Variants in PPP1R1C observed in about 807,000 individuals in gnomAD.
PPP1R1C encodes protein phosphatase 1 regulatory subunit 1C.
In PPP1R1C, 15 loss-of-function variants were observed where a neutral mutation model predicts 17.4. That is an observed-to-expected ratio of 0.86 (90% CI 0.58 to 1.33). PPP1R1C has a LOEUF of 1.33. PPP1R1C is among the 40% of genes most tolerant of loss of function. The pLI is 0.00. For synonymous variants in PPP1R1C, 35 were observed against 43.1 expected (o/e 0.81, Z 0.73); for missense variants, 143 against 130.0 (o/e 1.10, Z -0.48).
intron 2 of PPP1R1C, among the ~76,000 whole-genome samples, chr2:182,050,369 G>T (rs573024891): frequency 1.3e-5 from 2 of 152,008 alleles, no homozygotes; most frequent in Non-Finnish European, 1.5e-5. Context: ...ATCTTGTACC[G>T]TTCTTTAAAA....
chr2:182,081,374 A>C (rs532637445), intron 4 of PPP1R1C, among the ~76,000 whole-genome samples: 1 of 152,186 alleles, frequency 6.6e-6, no homozygotes, highest in Non-Finnish European at 1.5e-5. Flanking sequence ...TGAGTGCCTT[A>C]ACCTCTTTTC....
intron 4 of PPP1R1C, among the ~76,000 whole-genome samples, chr2:182,108,441 C>T (rs1689319706): frequency 6.6e-6 from 1 of 151,994 alleles, no homozygotes; most frequent in African/African-American, 2.4e-5. Flanking sequence ...AACATGTTTT[C>T]TTCTTTACTC....
intron 2 of PPP1R1C, among the ~76,000 whole-genome samples, chr2:182,010,790 A>T (rs1025358244): frequency 2.0e-5 from 3 of 151,962 alleles, no homozygotes; most frequent in Non-Finnish European, 4.4e-5. Context: ...GTGTGGAGGT[A>T]TGTACCTTCT....
At chr2:182,020,719 G>A (rs1423358850) in intron 2 of PPP1R1C, among the ~76,000 whole-genome samples, 1 of 152,014 alleles carries the variant, frequency 6.6e-6, no homozygotes, top group Non-Finnish European at 1.5e-5. Context: ...AAGTGAGTAG[G>A]AGCCCATATC....
At chr2:182,040,605 T>G (rs1390109200) in intron 2 of PPP1R1C, among the ~76,000 whole-genome samples, 2 of 152,236 alleles carry the variant, frequency 1.3e-5, no homozygotes, top group East Asian at 3.8e-4. Flanking sequence ...TTTCATGGGT[T>G]TTCTGTTTAT....
chr2:182,125,279 T>C (rs1444166514), intron 5 of PPP1R1C, among the ~76,000 whole-genome samples: 2 of 152,220 alleles, frequency 1.3e-5, no homozygotes, highest in Non-Finnish European at 2.9e-5. Flanking sequence ...AGCTTTTTGC[T>C]GTGCTGCTGG....
At chr2:182,097,812 A>G (rs1688986626) in intron 4 of PPP1R1C, among the ~76,000 whole-genome samples, 1 of 152,196 alleles carries the variant, frequency 6.6e-6, no homozygotes, top group African/African-American at 2.4e-5. Context: ...ATCATTGCAC[A>G]CAGGTGTACA....
rs185228756 is a variant in PPP1R1C at position 182,125,159 on chromosome 2, T to C, written c.*7-3815T>C. ...TTTTCTGCATCTATTGAGATAATTG[T>C]GTGCTTTTTGTCATTGGTTCTGTTT... On this transcript the variant is annotated intron_variant, in intron 5 of 5. Transcript: ENST00000280295. Among the ~76,000 whole-genome samples, 1,012 of 152,318 alleles carry C rather than the reference T, an allele frequency of 6.6e-3. 24 individuals carry two copies. Among genetic ancestry groups the C allele is most frequent in the Admixed American group, 0.015 (236 of 15,298 alleles).
chr2:182,009,395 C>T (rs996431837), intron 2 of PPP1R1C, among the ~76,000 whole-genome samples: 7 of 152,022 alleles, frequency 4.6e-5, no homozygotes, highest in African/African-American at 1.7e-4. Context: ...CTTTGAGCAC[C>T]TTTTCATATA....
At chr2:182,127,422 A>G (rs1176854105) in intron 5 of PPP1R1C, among the ~76,000 whole-genome samples, 1 of 152,056 alleles carries the variant, frequency 6.6e-6, no homozygotes, top group Non-Finnish European at 1.5e-5. Context: ...CCAGCAAACA[A>G]CGGTGTAGAG....
chr2:182,090,062 T>C (rs1049401197), intron 4 of PPP1R1C, among the ~76,000 whole-genome samples: 5 of 152,166 alleles, frequency 3.3e-5, no homozygotes, highest in Admixed American at 2.0e-4. Flanking sequence ...AATATAAATA[T>C]TTAGTCTCTC....
intron 4 of PPP1R1C, among the ~76,000 whole-genome samples, chr2:182,107,264 C>T (rs538928464): frequency 3.3e-5 from 5 of 151,510 alleles, no homozygotes; most frequent in South Asian, 2.1e-4. Flanking sequence ...TAAGTAGAGA[C>T]GTCAGAATTT....
chr2:181,996,271 T>C (rs1574362022), intron 2 of PPP1R1C, among the ~76,000 whole-genome samples: 1 of 152,184 alleles, frequency 6.6e-6, no homozygotes, highest in Non-Finnish European at 1.5e-5. Flanking sequence ...AGGAAGGACC[T>C]GTGAAAGCCA....
intron 2 of PPP1R1C, among the ~76,000 whole-genome samples, chr2:182,032,746 G>A (rs548234041): frequency 6.6e-6 from 1 of 152,246 alleles, no homozygotes; most frequent in African/African-American, 2.4e-5. Context: ...CTATAAAAAT[G>A]TTAATAATTC....
At chr2:182,059,117 T>C (rs1687772704) in intron 2 of PPP1R1C, among the ~76,000 whole-genome samples, 1 of 152,132 alleles carries the variant, frequency 6.6e-6, no homozygotes. Context: ...CAGAAATTTC[T>C]GTTTCTATCT....
At chr2:182,115,297 C>T (rs1410481872) in intron 4 of PPP1R1C, among the ~76,000 whole-genome samples, 1 of 152,110 alleles carries the variant, frequency 6.6e-6, no homozygotes, top group Non-Finnish European at 1.5e-5. Context: ...AGCCAAAAAG[C>T]TAAAGGTGAA....
intron 1 of PPP1R1C, among the ~76,000 whole-genome samples, chr2:181,966,807 A>C (rs533412453): frequency 5.9e-5 from 9 of 152,172 alleles, no homozygotes; most frequent in Non-Finnish European, 1.2e-4. Context: ...TCAGGGTAAT[A>C]ATACTTGCCT....
At chr2:182,073,490 A>T (rs1207307593) in intron 4 of PPP1R1C, among the ~76,000 whole-genome samples, 2 of 152,228 alleles carry the variant, frequency 1.3e-5, no homozygotes, top group Non-Finnish European at 2.9e-5. Context: ...CTTCCAGGTC[A>T]TTTATTAGGC....
chr2:182,074,127 T>C (rs548137809), intron 4 of PPP1R1C, among the ~76,000 whole-genome samples: 38 of 151,190 alleles, frequency 2.5e-4, no homozygotes, highest in Non-Finnish European at 4.3e-4. Context: ...CTGCAAGCTC[T>C]GCCTCCCGGG....
Sources: gnomAD v4.1 joint callset for allele counts (sites outside exome capture counted in the v4.1 genomes callset) on GRCh38, gnomAD v4.1.1 for gene constraint, MANE v1.5 for transcripts, NCBI Gene and HGNC (gene_info 2026-07-23, HGNC 2026-07-21) for gene names.